The following LRP1B variants were observed in gnomAD, a reference collection of about 807,000 sequenced individuals.
LRP1B encodes low-density lipoprotein receptor-related protein 1B.
LRP1B carries 217 observed loss-of-function variants against 556.6 expected under a neutral mutation model. The observed-to-expected ratio is 0.39, with a 90% CI of 0.35 to 0.44. LRP1B has a LOEUF of 0.44. LRP1B is among the 20% of genes least tolerant of loss of function. The pLI is 1.00. For missense variants in LRP1B, 5,053 were observed against 5,620.8 expected (o/e 0.90, Z 3.23); for synonymous variants, 2,047 against 1,865.8 (o/e 1.10, Z -2.50).
At chr2:141,946,865 C>T (rs922406625) in intron 1 of LRP1B, among the ~76,000 whole-genome samples, 7 of 151,666 alleles carry the variant, frequency 4.6e-5, no homozygotes, top group African/African-American at 1.7e-4. Flanking sequence ...ACGATATTAG[C>T]GATATGGTAA....
At chr2:142,003,732 C>T (rs1702725466) in intron 1 of LRP1B, among the ~76,000 whole-genome samples, 1 of 152,304 alleles carries the variant, frequency 6.6e-6, no homozygotes, top group Non-Finnish European at 1.5e-5. Context: ...GAATGGCTAC[C>T]GTGTACTCCC....
intron 1 of LRP1B, among the ~76,000 whole-genome samples, chr2:141,819,572 A>C (rs1696687302): frequency 6.6e-6 from 1 of 152,238 alleles, no homozygotes; most frequent in South Asian, 2.1e-4. Context: ...AAAAAGTGGA[A>C]CAGAGGATAC....
Position 140,652,013 on chromosome 2 carries a change from T to C in LRP1B, c.6799+48237A>G, listed in dbSNP as rs1684706404. Among the ~76,000 whole-genome samples the C allele has an allele frequency of 3.3e-5, 5 of 152,248 alleles. No homozygotes were observed. In the South Asian group the frequency reaches 1.0e-3, roughly 32 times the overall value. ...GAGAATATATTAGAAAATTGCCTGA[T>C]ATTTAAAGTTCATAGAACAAAAAAA... On this transcript the variant is annotated intron_variant, in intron 41 of 90. Coordinates refer to ENST00000389484, the MANE Select transcript of LRP1B (RefSeq NM_018557.3).
At chr2:141,400,770 C>A (rs954313563) in intron 3 of LRP1B, among the ~76,000 whole-genome samples, 30 of 152,142 alleles carry the variant, frequency 2.0e-4, no homozygotes, top group African/African-American at 7.0e-4. Context: ...CCAAGCACAT[C>A]AAATATTTAA....
chr2:141,756,476 T>C (rs1694321868), intron 2 of LRP1B, among the ~76,000 whole-genome samples: 1 of 151,910 alleles, frequency 6.6e-6, no homozygotes, highest in Non-Finnish European at 1.5e-5. Flanking sequence ...TAAATCAAGT[T>C]GCAATAAGAA....
intron 1 of LRP1B, among the ~76,000 whole-genome samples, chr2:141,947,159 C>T (rs544397346): frequency 3.9e-5 from 6 of 152,184 alleles, no homozygotes; most frequent in African/African-American, 9.6e-5. Flanking sequence ...AGGCCAGGCA[C>T]GGTGGCTCAT....
intron 2 of LRP1B, among the ~76,000 whole-genome samples, chr2:141,589,279 G>C (rs1412855381): frequency 1.3e-5 from 2 of 152,182 alleles, no homozygotes; most frequent in East Asian, 3.9e-4. Context: ...TCTTAAAACT[G>C]ATCAAACTAT....
rs1185470365 is a variant in LRP1B, at chr2:141,188,401, C to A, written c.1013+20G>T. On this transcript the variant is annotated intron_variant, in intron 7 of 90. Coordinates refer to ENST00000389484, the MANE Select transcript of LRP1B (RefSeq NM_018557.3). The stretch of plus-strand genomic sequence containing the variant: ...TAAACGCAAACTTTTTTAGACCAAA[C>A]ACTATAAAGAATTTCTTACCCTGCT... 1.2e-6 allele frequency: 2 copies of A among 1,604,300 alleles called. No homozygotes were observed. The highest frequency in any genetic ancestry group is 1.7e-6 in the Non-Finnish European group (2 of 1,175,946).
At chr2:140,361,341 CATATATATATATATATATATAT>C (rs67208978) in intron 72 of LRP1B, among the ~76,000 whole-genome samples, 22 of 30,730 alleles carry the variant, frequency 7.2e-4, no homozygotes, top group East Asian at 2.1e-3. Context: ...ACTTGGAAAG[CATATATATATATATATATATAT>C]ATATATATAT....
At chr2:140,326,824 T>C (rs966234608) in intron 79 of LRP1B, among the ~76,000 whole-genome samples, 17 of 152,130 alleles carry the variant, frequency 1.1e-4, no homozygotes, top group Non-Finnish European at 8.8e-5. Context: ...TGTCAGTGAA[T>C]GATAATGGAC....
chr2:142,005,237 A>G (rs1702766453), intron 1 of LRP1B, among the ~76,000 whole-genome samples: 1 of 151,828 alleles, frequency 6.6e-6, no homozygotes, highest in Non-Finnish European at 1.5e-5. Context: ...ACAATTAGCT[A>G]TATGTAGGCA....
intron 7 of LRP1B, among the ~76,000 whole-genome samples, chr2:141,096,316 A>T (rs1163710006): frequency 6.6e-6 from 1 of 152,052 alleles, no homozygotes; most frequent in Non-Finnish European, 1.5e-5. Flanking sequence ...GGCCAGGCGC[A>T]GTGGCTCACT....
chr2:141,785,698 T>C (rs1695409521), intron 2 of LRP1B, among the ~76,000 whole-genome samples: 1 of 150,806 alleles, frequency 6.6e-6, no homozygotes, highest in South Asian at 2.1e-4. Context: ...GGAGCAGAAA[T>C]TACTTGGCCT....
chr2:140,771,571 T>C (rs1209564446), intron 33 of LRP1B, among the ~76,000 whole-genome samples: 5 of 152,218 alleles, frequency 3.3e-5, no homozygotes. Flanking sequence ...AAGAATCATC[T>C]AATTAATTGG....
intron 11 of LRP1B, among the ~76,000 whole-genome samples, chr2:141,047,358 G>C (rs900007133): frequency 2.6e-5 from 4 of 152,002 alleles, no homozygotes; most frequent in Non-Finnish European, 5.9e-5. Context: ...TTTTAGCATA[G>C]AAAGTATACT....
chr2:141,225,175 T>G (rs1683195430), intron 6 of LRP1B, among the ~76,000 whole-genome samples: 1 of 152,104 alleles, frequency 6.6e-6, no homozygotes, highest in Non-Finnish European at 1.5e-5. Context: ...TTATTTTATT[T>G]TTAGCTAGGT....
At chr2:141,820,499 A>G (rs1190693980) in intron 1 of LRP1B, among the ~76,000 whole-genome samples, 1 of 152,220 alleles carries the variant, frequency 6.6e-6, no homozygotes, top group Non-Finnish European at 1.5e-5. Context: ...AATTCATGGT[A>G]TCACTCATCT....
chr2:140,716,241 C>A, intron 36 of LRP1B, 139 bp from the exon 37 acceptor site: 1 of 611,042 alleles, frequency 1.6e-6, no homozygotes, highest in East Asian at 2.7e-5. Flanking sequence ...AATGTGTTTC[C>A]TAAGCAGAAA....
intron 25 of LRP1B, among the ~76,000 whole-genome samples, chr2:140,869,693 G>T (rs1322576493): frequency 6.6e-6 from 1 of 152,094 alleles, no homozygotes; most frequent in Non-Finnish European, 1.5e-5. Context: ...GATGGACTGG[G>T]TGTAAAAAAT....
Sources: allele counts gnomAD v4.1 joint callset (sites outside exome capture counted in the v4.1 genomes callset), GRCh38; gene constraint gnomAD v4.1.1; transcripts MANE v1.5; gene names NCBI Gene and HGNC (gene_info 2026-07-23, HGNC 2026-07-21).